Variants in RMDN1 observed in about 807,000 individuals in gnomAD.
RMDN1 encodes regulator of microtubule dynamics protein 1.
A neutral mutation model predicts 48.9 loss-of-function variants in RMDN1; 48 were observed. The observed-to-expected ratio is 0.98, with a 90% CI of 0.78 to 1.25. RMDN1 has a LOEUF of 1.25. Among genes scored for constraint, RMDN1 ranks in the 50% most tolerant of loss-of-function variants. The pLI is 0.00. For synonymous variants in RMDN1, 148 were observed against 132.6 expected (o/e 1.12, Z -0.80); for missense variants, 418 against 373.4 (o/e 1.12, Z -0.98).
Position 86,513,997 on chromosome 8 carries a change from G to A in RMDN1, c.-4+245C>T, listed in dbSNP as rs903181520. Among the ~76,000 whole-genome samples, 29 of 151,768 alleles carry A rather than the reference G, an allele frequency of 1.9e-4. 2 individuals are homozygous for A. The highest frequency in any genetic ancestry group is 6.6e-5 in the Admixed American group (1 of 15,236). On this transcript the variant is annotated intron_variant, in intron 1 of 9. Coordinates refer to the RMDN1 transcript ENST00000523911. The stretch of plus-strand genomic sequence containing the variant: ...TAGGACCACAGTCGCGTGCCACCAC[G>A]CCCAGCTATTTTTTTTTTTACTTTT...
Position 86,497,055 on chromosome 8 carries a change from A to C in RMDN1, c.248-8416T>G, listed in dbSNP as rs567955981. Among the ~76,000 whole-genome samples the C allele has an allele frequency of 3.9e-5, 6 of 152,352 alleles. No individual in the cohort carries two copies. The South Asian group carries it at 1.2e-3, about 32-fold the overall frequency. Reference sequence around the variant, plus strand: ...CTGCATGACTTCTGGGTAAACAATGAAATTAAAGCAGAAATCAAAGACTTC... The same window carrying C: ...CTGCATGACTTCTGGGTAAACAATGCAATTAAAGCAGAAATCAAAGACTTC... On this transcript the variant is annotated intron_variant, in intron 2 of 9. Coordinates refer to ENST00000406452, the MANE Select transcript of RMDN1 (RefSeq NM_016033.3).
rs531530973 is a variant in RMDN1 at position 86,504,137 on chromosome 8, C to A, written c.247+2858G>T. ...ATCCTTGGGTCTGAAGAGCTATGGC[C>A]GGTATTATTGGGCTTTACCATCCTT... On this transcript the variant is annotated intron_variant, in intron 2 of 9. Coordinates refer to ENST00000406452, the MANE Select transcript of RMDN1 (RefSeq NM_016033.3). 1.5e-5 allele frequency: 19 copies of A among 1,240,396 alleles called. No homozygotes were observed. The East Asian group carries it at 4.4e-4, about 29-fold the overall frequency. 76.8% of individuals were successfully genotyped at this position (1,240,396 alleles called of 1,614,324 possible). A position where few individuals can be genotyped will look rare whatever the true frequency, so the allele number is the denominator to read the frequency against.
At chr8:86,501,679 T>G (rs67811996) in intron 2 of RMDN1, among the ~76,000 whole-genome samples, 1 of 2,658 alleles carries the variant, frequency 3.8e-4, no homozygotes, top group Non-Finnish European at 8.2e-4. Context: ...AAAAAAAAAA[T>G]AAGTTCTAAT....
chr8:86,494,971 C>A, intron 2 of RMDN1: 1 of 415,694 alleles, frequency 2.4e-6, no homozygotes. Flanking sequence ...GAGACTCTGT[C>A]TCAAAAAATA....
At chr8:86,471,757 A>G (rs1363360762), downstream of RMDN1, among the ~76,000 whole-genome samples, 1 of 152,218 alleles carries the variant, frequency 6.6e-6, no homozygotes, top group African/African-American at 2.4e-5. Context: ...CAAAGATCTA[A>G]TAGAACTAAT....
At position 86,479,987 on chromosome 8, in the gene RMDN1, C is replaced by G. The variant is rs147624704; in HGVS notation, c.641+290G>C. Among the ~76,000 whole-genome samples, 354 of 152,178 alleles carry G rather than the reference C, an allele frequency of 2.3e-3. 2 individuals carry two copies. The highest frequency in any genetic ancestry group is 7.6e-3 in the African/African-American group (315 of 41,536). On this transcript the variant is annotated intron_variant, in intron 6 of 9. Transcript: ENST00000406452. ...CCTCTTGGGGCATTCTACTGTTTTA[C>G]TATAGTTACATTAATCTAATTTCAT... is the stretch of plus-strand genomic sequence containing the variant.
intron 7 of RMDN1, chr8:86,478,703 A>G (rs1311210411): frequency 1.2e-5 from 6 of 515,220 alleles, no homozygotes; most frequent in African/African-American, 1.9e-5. Context: ...TTTAGATGAC[A>G]GTATTCCAGA....
At chr8:86,507,232 C>T in intron 1 of RMDN1, 120 bp from the exon 2 acceptor site, 1 of 606,044 alleles carries the variant, frequency 1.7e-6, no homozygotes, top group South Asian at 2.3e-5. Context: ...ATACTGGAAG[C>T]TTAAAAATTA....
chr8:86,479,032 T>G (rs1813875440), intron 6 of RMDN1, 22 bp from the exon 7 acceptor site: 2 of 1,535,722 alleles, frequency 1.3e-6, no homozygotes, highest in African/African-American at 1.4e-5. Flanking sequence ...TAAAACAATT[T>G]TATACATTCA....
At chr8:86,508,892 G>A (rs1359437422), upstream of RMDN1, 10 of 867,014 alleles carry the variant, frequency 1.2e-5, no homozygotes, top group Non-Finnish European at 1.5e-5. Flanking sequence ...CAGGCGCTCT[G>A]ACTTGTTTCT....
intron 2 of RMDN1, among the ~76,000 whole-genome samples, chr8:86,497,452 T>C (rs539144675): frequency 6.6e-6 from 1 of 152,036 alleles, no homozygotes; most frequent in East Asian, 1.9e-4. Flanking sequence ...CCTGTAATCC[T>C]AGCACTTTGG....
intron 2 of RMDN1, chr8:86,504,308 T>G: frequency 1.3e-6 from 2 of 1,579,490 alleles, no homozygotes; most frequent in Non-Finnish European, 1.7e-6. Context: ...AACCAGGAGA[T>G]GCAAGATGAG....
chr8:86,511,830 G>T (rs28550761), upstream of RMDN1, among the ~76,000 whole-genome samples: 1 of 136,304 alleles, frequency 7.3e-6, no homozygotes, highest in African/African-American at 3.1e-5. Context: ...AAAAAAAAAA[G>T]AAAAAGAAAA....
intron 2 of RMDN1, among the ~76,000 whole-genome samples, chr8:86,491,782 C>T (rs1267975336): frequency 1.3e-5 from 2 of 152,094 alleles, no homozygotes; most frequent in East Asian, 3.8e-4. Flanking sequence ...GATGTGACCT[C>T]CTACATATAT....
intron 8 of RMDN1, among the ~76,000 whole-genome samples, chr8:86,476,167 C>T (rs892988637): frequency 3.3e-5 from 5 of 152,132 alleles, no homozygotes; most frequent in Middle Eastern, 3.4e-3. Flanking sequence ...TTCTCAACAC[C>T]CCCAACCCTT....
At chr8:86,502,577 A>G (rs1293910589) in intron 2 of RMDN1, among the ~76,000 whole-genome samples, 2 of 152,202 alleles carry the variant, frequency 1.3e-5, no homozygotes, top group Non-Finnish European at 2.9e-5. Flanking sequence ...TATCTATATT[A>G]CGCCAATAAG....
intron 8 of RMDN1, among the ~76,000 whole-genome samples, chr8:86,476,179 A>C (rs1474125986): frequency 6.6e-6 from 1 of 152,208 alleles, no homozygotes; most frequent in Non-Finnish European, 1.5e-5. Context: ...CCAACCCTTA[A>C]GTCTCTAAGG....
Position 86,474,001 on chromosome 8 carries a change from C to A in RMDN1, c.*307G>T, listed in dbSNP as rs907788211. The A allele has an allele frequency of 1.0e-5, 11 of 1,081,568 alleles. No individual in the cohort carries two copies. The highest frequency in any genetic ancestry group is 1.7e-5 in the African/African-American group (1 of 59,736). 67.0% of individuals were successfully genotyped at this position (1,081,568 alleles called of 1,614,324 possible). Reference sequence around the variant, plus strand: ...CATTTCCCCTCCTCTACAAATATTTCTTTGCTTGATCTCCCATCCCAATGT... The same window carrying A: ...CATTTCCCCTCCTCTACAAATATTTATTTGCTTGATCTCCCATCCCAATGT... On this transcript the variant is annotated 3_prime_UTR_variant, in exon 10 of 10. Transcript: ENST00000406452.
At chr8:86,470,789 A>ATGAT (rs1812484393), downstream of RMDN1, among the ~76,000 whole-genome samples, 1 of 152,202 alleles carries the variant, frequency 6.6e-6, no homozygotes, top group African/African-American at 2.4e-5. Flanking sequence ...GTCTCACTGT[A>ATGAT]TGATTCCATT....
Sources: allele counts gnomAD v4.1 joint callset (sites outside exome capture counted in the v4.1 genomes callset), GRCh38; gene constraint gnomAD v4.1.1; transcripts MANE v1.5; gene names NCBI Gene and HGNC (gene_info 2026-07-23, HGNC 2026-07-21).